Variants in ROBO2 observed in about 807,000 individuals in gnomAD.
The protein encoded by ROBO2 is roundabout guidance receptor 2, also known as roundabout homolog 2.
ROBO2 carries 53 observed loss-of-function variants against 160.8 expected under a neutral mutation model. The observed-to-expected ratio is 0.33, with a 90% CI of 0.26 to 0.41. The LOEUF (loss-of-function observed/expected upper bound fraction) is 0.41. ROBO2 is among the 10% of genes least tolerant of loss of function. The pLI, the probability that ROBO2 is intolerant of heterozygous loss-of-function variation, is 1.00. For missense variants in ROBO2, 1,577 were observed against 1,722.4 expected, an observed-to-expected ratio of 0.92 and a Z score of 1.49; for synonymous variants, 664 against 611.7, an observed-to-expected ratio of 1.09 and a Z score of -1.26.
chr3:77,194,278 C>A (rs1173209725), intron 2 of ROBO2, among the ~76,000 whole-genome samples: 1 of 152,080 alleles, frequency 6.6e-6, no homozygotes, highest in Non-Finnish European at 1.5e-5. Context: ...TGTCATTGGC[C>A]CCATTCCTGC....
intron 4 of ROBO2, 87 bp downstream of exon 4, chr3:77,481,306 A>C: frequency 9.0e-7 from 1 of 1,112,690 alleles, no homozygotes; most frequent in South Asian, 2.5e-5. Flanking sequence ...ACTGGGCCAT[A>C]TAAGGACAGT....
chr3:76,231,423 G>A (rs889495862), intron 2 of ROBO2, among the ~76,000 whole-genome samples: 2 of 152,004 alleles, frequency 1.3e-5, no homozygotes, highest in Non-Finnish European at 2.9e-5. Context: ...TCTGTAATGC[G>A]AGTTACCCTT....
At chr3:77,594,307 T>G (rs1206188581) in intron 17 of ROBO2, among the ~76,000 whole-genome samples, 1 of 152,212 alleles carries the variant, frequency 6.6e-6, no homozygotes, top group East Asian at 1.9e-4. Flanking sequence ...CAGATCCATT[T>G]GGCTGCAAAG....
intron 2 of ROBO2, among the ~76,000 whole-genome samples, chr3:76,632,131 C>A (rs918353284): frequency 6.6e-6 from 1 of 152,124 alleles, no homozygotes; most frequent in East Asian, 1.9e-4. Context: ...GCAGGCTTAG[C>A]AAAGAAACGT....
At chr3:77,320,687 A>AAAAAAG (rs1450782715) in intron 2 of ROBO2, among the ~76,000 whole-genome samples, 4 of 152,162 alleles carry the variant, frequency 2.6e-5, no homozygotes, top group East Asian at 3.9e-4. Context: ...ACTACAGGCA[A>AAAAAAG]AAAAAGAAAA....
In ROBO2 at chr3:76,270,899, A is replaced by G. The variant is rs535788053; in HGVS notation, c.109+333297A>G. 5.3e-5 allele frequency among the ~76,000 whole-genome samples: 8 copies of G among 152,234 alleles called. No homozygotes were observed. In the South Asian group the frequency reaches 1.7e-3, roughly 32 times the overall value. The stretch of plus-strand genomic sequence containing the variant: ...CGATTTCTTTATAGCTGGAAGCTTC[A>G]GTTTCATAAAGAGTGAACTGGAAAT... On this transcript the variant is annotated intron_variant, in intron 2 of 26. Transcript: ENST00000487694.
chr3:76,097,443 A>G (rs1321982930), intron 2 of ROBO2, among the ~76,000 whole-genome samples: 2 of 152,134 alleles, frequency 1.3e-5, no homozygotes, highest in Non-Finnish European at 2.9e-5. Flanking sequence ...TTCTGCATAG[A>G]TGAGTTCCTG....
chr3:76,463,995 G>C (rs2078234103), intron 2 of ROBO2, among the ~76,000 whole-genome samples: 2 of 152,162 alleles, frequency 1.3e-5, no homozygotes, highest in Admixed American at 6.5e-5. Flanking sequence ...TGAGAAGAGA[G>C]ACAGAGGAGG....
At chr3:76,750,883 T>C (rs1431265629) in intron 2 of ROBO2, among the ~76,000 whole-genome samples, 5 of 152,080 alleles carry the variant, frequency 3.3e-5, no homozygotes, top group African/African-American at 9.7e-5. Flanking sequence ...AGGTAATTTA[T>C]AGATTCAATG....
chr3:77,051,901 C>T (rs2065264120), intron 1 of ROBO2, among the ~76,000 whole-genome samples: 1 of 152,210 alleles, frequency 6.6e-6, no homozygotes, highest in Non-Finnish European at 1.5e-5. Flanking sequence ...CTCAACTATA[C>T]AGCAAGCGGA....
chr3:76,057,787 T>G (rs2067906572), intron 2 of ROBO2, among the ~76,000 whole-genome samples: 1 of 152,230 alleles, frequency 6.6e-6, no homozygotes, highest in African/African-American at 2.4e-5. Flanking sequence ...TTGGTTTTTT[T>G]TTGTCTGAAA....
chr3:76,163,764 A>G (rs1208087427), intron 2 of ROBO2, among the ~76,000 whole-genome samples: 1 of 151,518 alleles, frequency 6.6e-6, no homozygotes, highest in African/African-American at 2.4e-5. Context: ...TTTTTTTTGA[A>G]AAAACTGTTA....
exon 26 of ROBO2, chr3:77,646,156 C>T (rs189529842): frequency 3.9e-6 from 3 of 779,110 alleles, no homozygotes; most frequent in South Asian, 2.3e-5. Context: ...TATTTATGTA[C>T]TATTAAAAGA....
At chr3:77,055,808 C>T (rs772311202) in intron 1 of ROBO2, among the ~76,000 whole-genome samples, 7 of 152,048 alleles carry the variant, frequency 4.6e-5, no homozygotes, top group East Asian at 1.9e-4. Flanking sequence ...CTTACTTTTT[C>T]GCTTCTAATT....
At chr3:76,755,318 T>C (rs2060906316) in intron 2 of ROBO2, among the ~76,000 whole-genome samples, 1 of 151,844 alleles carries the variant, frequency 6.6e-6, no homozygotes, top group South Asian at 2.1e-4. Flanking sequence ...ATCTTTGGAT[T>C]ATCAGACCTC....
Position 76,528,412 on chromosome 3 carries a change from A to C in ROBO2, c.110-569602A>C, listed in dbSNP as rs563786549. Among the ~76,000 whole-genome samples, 4 of 152,138 alleles carry C rather than the reference A, an allele frequency of 2.6e-5. No individual in the cohort carries two copies. The South Asian group carries it at 6.2e-4, about 24-fold the overall frequency. On this transcript the variant is annotated intron_variant, in intron 2 of 26. Coordinates refer to the ROBO2 transcript ENST00000487694. ...GTAGTAGGAAGTGGTTAGATAATGA[A>C]TATTTTGAATATATATAATAGACCC...
chr3:77,026,505 A>G (rs892516414), intron 2 of ROBO2, among the ~76,000 whole-genome samples: 2 of 152,166 alleles, frequency 1.3e-5, no homozygotes, highest in Non-Finnish European at 1.5e-5. Context: ...ATTTCTTATC[A>G]TGGCTTTCAA....
chr3:77,002,967 A>G (rs866463792), intron 2 of ROBO2, among the ~76,000 whole-genome samples: 1 of 130,262 alleles, frequency 7.7e-6, no homozygotes, highest in African/African-American at 3.1e-5. Context: ...GGCAGATCAG[A>G]AATCTCCCTA....
chr3:76,560,794 C>A (rs1032971917), intron 2 of ROBO2, among the ~76,000 whole-genome samples: 7 of 150,474 alleles, frequency 4.7e-5, no homozygotes, highest in Non-Finnish European at 7.4e-5. Context: ...ATCTTTCAAA[C>A]CATTTTTTTG....
Sources: gnomAD v4.1 joint callset for allele counts (sites outside exome capture counted in the v4.1 genomes callset) on GRCh38, gnomAD v4.1.1 for gene constraint, MANE v1.5 for transcripts, NCBI Gene and HGNC (gene_info 2026-07-23, HGNC 2026-07-21) for gene names.